The following XKR4 variants were observed in gnomAD, a reference collection of about 807,000 sequenced individuals.
XKR4 encodes the protein XK related 4.
In XKR4, 12 loss-of-function variants were observed where a neutral mutation model predicts 53.9. The observed-to-expected ratio is 0.22, with a 90% CI of 0.14 to 0.36. The LOEUF is 0.36. XKR4 is among the 10% of genes least tolerant of loss of function. XKR4 has a pLI of 1.00. For missense variants in XKR4, 799 were observed against 859.5 expected, an observed-to-expected ratio of 0.93 and a Z score of 0.88; for synonymous variants, 354 against 362.4, an observed-to-expected ratio of 0.98 and a Z score of 0.26.
intron 1 of XKR4, among the ~76,000 whole-genome samples, chr8:55,166,548 A>T (rs544087137): frequency 2.6e-5 from 4 of 152,374 alleles, no homozygotes; most frequent in Non-Finnish European, 4.4e-5. Flanking sequence ...AGGAAACAGA[A>T]TGAAACACCT....
rs182449157 is a variant in XKR4 at position 55,162,367 on chromosome 8, C to T, written c.806+59073C>T. Among the ~76,000 whole-genome samples, 143 of 152,294 alleles carry T rather than the reference C, an allele frequency of 9.4e-4. 2 individuals carry two copies. Among genetic ancestry groups the T allele is most frequent in the Middle Eastern group, 3.4e-3 (1 of 294 alleles). On this transcript the variant is annotated intron_variant, in intron 1 of 2. Coordinates refer to ENST00000327381, the MANE Select transcript of XKR4 (RefSeq NM_052898.2). ...TAAAATAAGTGAGTTAATGGTGAAG[C>T]CTACTGATCTTTGCCATGAGATAGA... is the stretch of plus-strand genomic sequence containing the variant.
At chr8:55,314,697 T>A (rs1370327780) in intron 1 of XKR4, among the ~76,000 whole-genome samples, 3 of 152,234 alleles carry the variant, frequency 2.0e-5, no homozygotes, top group South Asian at 4.1e-4. Flanking sequence ...AAAGAATGCG[T>A]GTGCACATTA....
chr8:55,139,274 G>T (rs942978171), intron 1 of XKR4, among the ~76,000 whole-genome samples: 3 of 152,080 alleles, frequency 2.0e-5, no homozygotes, highest in African/African-American at 7.2e-5. Flanking sequence ...AGTGGCTCAT[G>T]CCTCTAATCC....
At chr8:55,479,881 A>G (rs1390615380) in intron 2 of XKR4, among the ~76,000 whole-genome samples, 1 of 152,220 alleles carries the variant, frequency 6.6e-6, no homozygotes, top group Non-Finnish European at 1.5e-5. Flanking sequence ...GACCAATAAC[A>G]GGCTCTGAAA....
rs1431830585 is a variant in XKR4 at position 55,452,990 on chromosome 8, CT to C, written c.1007-70290del. The stretch of plus-strand genomic sequence containing the variant: ...CGCTCAGGGATGGCCACAGGCACCA[CT>C]GCTCAGAAGCCACTTCTAGGGCAGA... On this transcript the variant is annotated intron_variant, in intron 2 of 2. Transcript: ENST00000327381. The C allele has an allele frequency of 1.4e-5, 10 of 694,798 alleles. No individual in the cohort carries two copies. In the African/African-American group the frequency reaches 1.6e-4, roughly 11 times the overall value. The allele number at this position is 694,798 out of a possible 1,614,324, so 43.0% of individuals were successfully genotyped here.
intron 2 of XKR4, among the ~76,000 whole-genome samples, chr8:55,473,775 G>C (rs761402364): frequency 2.0e-5 from 3 of 151,960 alleles, no homozygotes; most frequent in Non-Finnish European, 2.9e-5. Context: ...TAAACCCAAA[G>C]TTACAACAGA....
rs181944046 is a variant in XKR4 at position 55,123,102 on chromosome 8, G to A, written c.806+19808G>A. Among the ~76,000 whole-genome samples, 9 of 152,272 alleles carry A rather than the reference G, an allele frequency of 5.9e-5. No individual in the cohort carries two copies. The South Asian group carries it at 6.2e-4, about 11-fold the overall frequency. ...GGTTTTATTAGCCTCACACTGGTTAGTTTCTTTTCTAAATTCTGCCACTTT... is the reference window on the plus strand; with the variant it reads ...GGTTTTATTAGCCTCACACTGGTTAATTTCTTTTCTAAATTCTGCCACTTT... On this transcript the variant is annotated intron_variant, in intron 1 of 2. Transcript: ENST00000327381.
intron 2 of XKR4, among the ~76,000 whole-genome samples, chr8:55,496,394 A>AG (rs397963408): frequency 7.2e-5 from 11 of 152,122 alleles, no homozygotes; most frequent in African/African-American, 2.4e-4. Flanking sequence ...CAAAAAAAAA[A>AG]TTACCATTTG....
chr8:55,118,034 C>T (rs1328370554), intron 1 of XKR4, among the ~76,000 whole-genome samples: 1 of 152,154 alleles, frequency 6.6e-6, no homozygotes, highest in Non-Finnish European at 1.5e-5. Context: ...GGCACCTAAA[C>T]CGAGAATATC....
chr8:55,255,974 A>G (rs905750233), intron 1 of XKR4, among the ~76,000 whole-genome samples: 1 of 151,490 alleles, frequency 6.6e-6, no homozygotes, highest in Non-Finnish European at 1.5e-5. Context: ...GATTTGTGCA[A>G]TGATAGAGGT....
At chr8:55,218,377 A>T (rs1374900898) in intron 1 of XKR4, among the ~76,000 whole-genome samples, 1 of 152,226 alleles carries the variant, frequency 6.6e-6, no homozygotes, top group East Asian at 1.9e-4. Context: ...TCAATTCTTT[A>T]TGAAACATAG....
At chr8:55,427,375 TA>T (rs1270263179) in intron 2 of XKR4, among the ~76,000 whole-genome samples, 3 of 152,116 alleles carry the variant, frequency 2.0e-5, no homozygotes, top group South Asian at 2.1e-4. Flanking sequence ...ACCAATTCTT[TA>T]AAAAAAATTT....
intron 1 of XKR4, among the ~76,000 whole-genome samples, chr8:55,205,641 T>C (rs975105089): frequency 6.6e-6 from 1 of 152,244 alleles, no homozygotes; most frequent in South Asian, 2.1e-4. Context: ...TTTTGCAGTA[T>C]CATTTACTCA....
At chr8:55,498,988 A>T (rs1806397819) in intron 2 of XKR4, among the ~76,000 whole-genome samples, 2 of 152,246 alleles carry the variant, frequency 1.3e-5, no homozygotes, top group South Asian at 4.1e-4. Context: ...CAGGGGCAAG[A>T]TATTCAAGGC....
chr8:55,489,285 A>G (rs1173633624), intron 2 of XKR4, among the ~76,000 whole-genome samples: 3 of 152,142 alleles, frequency 2.0e-5, no homozygotes, highest in Non-Finnish European at 4.4e-5. Context: ...TTTCTACTCA[A>G]TTTTCTTATA....
chr8:55,466,165 C>T (rs987181817), intron 2 of XKR4, among the ~76,000 whole-genome samples: 2 of 152,206 alleles, frequency 1.3e-5, no homozygotes, highest in African/African-American at 4.8e-5. Flanking sequence ...ATAAATCATG[C>T]TGCTATAAAG....
chr8:55,125,870 A>G (rs1816460788), intron 1 of XKR4, among the ~76,000 whole-genome samples: 2 of 152,208 alleles, frequency 1.3e-5, no homozygotes, highest in South Asian at 4.1e-4. Context: ...CTCAATATCT[A>G]AAATCTGCCT....
intron 1 of XKR4, among the ~76,000 whole-genome samples, chr8:55,289,783 GA>G (rs1368353926): frequency 2.4e-3 from 350 of 146,830 alleles, no homozygotes; most frequent in Non-Finnish European, 3.2e-3. Flanking sequence ...GAAAGAGAGG[GA>G]GGGGGAGAGA....
chr8:55,145,277 A>T (rs749172741), intron 1 of XKR4, among the ~76,000 whole-genome samples: 1 of 151,694 alleles, frequency 6.6e-6, no homozygotes, highest in Non-Finnish European at 1.5e-5. Flanking sequence ...GCAGACATCT[A>T]CTCCATGTCC....
Sources: allele counts gnomAD v4.1 joint callset (sites outside exome capture counted in the v4.1 genomes callset), GRCh38; gene constraint gnomAD v4.1.1; transcripts MANE v1.5; gene names NCBI Gene and HGNC (gene_info 2026-07-23, HGNC 2026-07-21).